Variants in LONRF2 observed in about 807,000 individuals in gnomAD.
The protein encoded by LONRF2 is LON peptidase N-terminal domain and RING finger protein 2.
In LONRF2, 35 loss-of-function variants were observed where a neutral mutation model predicts 66.6. The ratio of observed to expected loss-of-function variants is 0.53; its 90% CI spans 0.40 to 0.70. The LOEUF (loss-of-function observed/expected upper bound fraction) is 0.70, where lower values mean the gene tolerates loss of function less well. Among genes scored for constraint, LONRF2 ranks in the 30% least tolerant of loss-of-function variants. The pLI, the probability that LONRF2 is intolerant of heterozygous loss-of-function variation, is 0.00. For missense variants in LONRF2, 902 were observed against 1,002.1 expected (o/e 0.90, Z 1.35); for synonymous variants, 417 against 418.1 (o/e 1.00, Z 0.03).
At chr2:100,286,855 T>G in intron 11 of LONRF2, 59 bp downstream of exon 11, 1 of 1,548,074 alleles carries the variant, frequency 6.5e-7, no homozygotes, top group South Asian at 1.3e-5. Flanking sequence ...ACCAGAATGA[T>G]GGCTCAGCAC....
At chr2:100,288,734 T>A (rs1674896078) in intron 10 of LONRF2, among the ~76,000 whole-genome samples, 1 of 152,254 alleles carries the variant, frequency 6.6e-6, no homozygotes, top group African/African-American at 2.4e-5. Flanking sequence ...TATGTGTTCG[T>A]CCTGTGTCTG....
rs1674671712 is a variant in LONRF2 at position 100,279,646 on chromosome 2, GAT to G, written c.*4650_*4651del. ...CCATCCCAGGGTGAGCCAATTCTTAGATACAGCAAAGGGCTACCCTGGGAGCA... is the reference window on the plus strand; with the variant it reads ...CCATCCCAGGGTGAGCCAATTCTTAGACAGCAAAGGGCTACCCTGGGAGCA... On this transcript the variant is annotated 3_prime_UTR_variant, in exon 12 of 12. Coordinates refer to ENST00000393437, the MANE Select transcript of LONRF2 (RefSeq NM_198461.4). 6.6e-6 allele frequency: 1 copy of G among 152,138 alleles called. No homozygotes were observed. Among genetic ancestry groups the G allele is most frequent in the Non-Finnish European group, 1.5e-5 (1 of 68,032 alleles). 9.4% of individuals were successfully genotyped at this position (152,138 alleles called of 1,614,324 possible).
chr2:100,291,177 A>ATT (rs70943009), intron 9 of LONRF2, among the ~76,000 whole-genome samples: 72 of 150,494 alleles, frequency 4.8e-4, no homozygotes, highest in South Asian at 1.5e-3. Context: ...GCATTCAGCT[A>ATT]TTTTTTTTTT....
chr2:100,296,868 G>T (rs1043112453), intron 7 of LONRF2, among the ~76,000 whole-genome samples: 1 of 152,166 alleles, frequency 6.6e-6, no homozygotes, highest in African/African-American at 2.4e-5. Flanking sequence ...GATGATTCAG[G>T]TCCCTGGTAG....
chr2:100,290,700 A>G (rs1674942020), intron 9 of LONRF2, among the ~76,000 whole-genome samples: 1 of 152,156 alleles, frequency 6.6e-6, no homozygotes, highest in Non-Finnish European at 1.5e-5. Context: ...GAAGGACCCG[A>G]GAGATGGGAA....
chr2:100,318,656 T>A lies in LONRF2; in HGVS notation c.679+2759A>T, dbSNP rs191953902. Among the ~76,000 whole-genome samples the A allele has an allele frequency of 2.6e-4, 38 of 148,844 alleles. No homozygotes were observed. The East Asian group carries it at 6.0e-3, about 24-fold the overall frequency. ...AGCCCGGACAACATAGTGAAACACG[T>A]CTCTACTAAACACACACACAAAAAA... On this transcript the variant is annotated intron_variant, in intron 1 of 11. Coordinates refer to ENST00000393437, the MANE Select transcript of LONRF2 (RefSeq NM_198461.4).
intron 8 of LONRF2, 53 bp downstream of exon 8, chr2:100,295,379 T>C: frequency 1.3e-6 from 2 of 1,554,364 alleles, no homozygotes; most frequent in Non-Finnish European, 1.7e-6. Flanking sequence ...AAGCTGAAGT[T>C]GACAAAGTTC....
At chr2:100,307,056 G>A (rs1165228028) in intron 2 of LONRF2, among the ~76,000 whole-genome samples, 6 of 151,790 alleles carry the variant, frequency 4.0e-5, no homozygotes, top group Non-Finnish European at 8.8e-5. Context: ...GAGTAGCTGG[G>A]ACTACAGGCG....
At chr2:100,310,454 T>G (rs189547080) in intron 1 of LONRF2, among the ~76,000 whole-genome samples, 90 of 152,322 alleles carry the variant, frequency 5.9e-4, no homozygotes, top group African/African-American at 2.1e-3. Flanking sequence ...ACTACCCACT[T>G]GGTGCTTTCC....
intron 3 of LONRF2, 34 bp downstream of exon 3, chr2:100,302,887 C>T: frequency 6.5e-7 from 1 of 1,537,246 alleles, no homozygotes; most frequent in Non-Finnish European, 8.8e-7. Flanking sequence ...ATAAATAAGA[C>T]CTGATAGAGA....
intron 2 of LONRF2, among the ~76,000 whole-genome samples, chr2:100,306,471 G>A (rs1675293197): frequency 6.6e-6 from 1 of 152,056 alleles, no homozygotes; most frequent in African/African-American, 2.4e-5. Flanking sequence ...GAATTAACTG[G>A]CTTTTAAGTA....
chr2:100,305,211 C>CA (rs1675268121), intron 2 of LONRF2, among the ~76,000 whole-genome samples: 1 of 152,120 alleles, frequency 6.6e-6, no homozygotes, highest in Admixed American at 6.6e-5. Flanking sequence ...AACAAACAAA[C>CA]AAAAAACCCA....
rs889628976 is a variant in LONRF2 at position 100,276,406 on chromosome 2, C to T, written c.*7892G>A. 1.2e-4 allele frequency: 19 copies of T among 152,092 alleles called. No individual in the cohort carries two copies. Among genetic ancestry groups the T allele is most frequent in the African/African-American group, 4.3e-4 (18 of 41,400 alleles). 9.4% of individuals were successfully genotyped at this position (152,092 alleles called of 1,614,324 possible). Reference sequence around the variant, plus strand: ...GTCTAAATTTCCTGTGGTCATAGTACCCAACGCCCTAATATCCCATATTGA... The same window carrying T: ...GTCTAAATTTCCTGTGGTCATAGTATCCAACGCCCTAATATCCCATATTGA... On this transcript the variant is annotated 3_prime_UTR_variant, in exon 12 of 12. Transcript: ENST00000393437.
chr2:100,294,186 C>A, intron 9 of LONRF2, 43 bp downstream of exon 9: 2 of 1,590,168 alleles, frequency 1.3e-6, no homozygotes, highest in Non-Finnish European at 1.7e-6. Flanking sequence ...ACAAACGATG[C>A]CCTTCATTAG....
intron 3 of LONRF2, among the ~76,000 whole-genome samples, chr2:100,301,660 G>C (rs1387655791): frequency 1.3e-5 from 2 of 152,238 alleles, no homozygotes; most frequent in African/African-American, 4.8e-5. Context: ...ATCAGCCATA[G>C]AATGTCCAGG....
chr2:100,301,480 T>C (rs6734881), intron 3 of LONRF2, among the ~76,000 whole-genome samples: 9,158 of 152,156 alleles, frequency 0.06, 886 homozygotes, highest in African/African-American at 0.2. Flanking sequence ...TCAAGGTGAG[T>C]GCGCTAGAAT....
chr2:100,287,652 G>A (rs1365303035), intron 10 of LONRF2, among the ~76,000 whole-genome samples: 2 of 152,134 alleles, frequency 1.3e-5, no homozygotes, highest in East Asian at 1.9e-4. Flanking sequence ...GCTTGTGGTC[G>A]GCCACAGCAC....
At chr2:100,292,747 C>G (rs1326369717) in intron 9 of LONRF2, among the ~76,000 whole-genome samples, 1 of 152,196 alleles carries the variant, frequency 6.6e-6, no homozygotes, top group Non-Finnish European at 1.5e-5. Context: ...TCTTTCCCCA[C>G]TCCTAATTAT....
Position 100,321,691 on chromosome 2 carries a change from G to C in LONRF2, c.403C>G (p.Arg135Gly). 2.5e-6 allele frequency: 3 copies of C among 1,219,276 alleles called. No homozygotes were observed. The highest frequency in any genetic ancestry group is 3.1e-6 in the Non-Finnish European group (3 of 983,264). The allele number at this position is 1,219,276 out of a possible 1,614,324, so 75.5% of individuals were successfully genotyped here. ...CAGCCGAGCAGGTCGCGGGGCGCGC[G>C]GGGCTCCGGGGCCGGCCCTCCCTCG... is the stretch of plus-strand genomic sequence containing the variant. ...PGEGGPAPEP[R>G]APRDLLGCPR... Residue 135 changes from arginine to glycine, a missense_variant, in exon 1 of 12, where the codon CGC becomes GGC. Physicochemically the swap from Arg to Gly is moderately radical, Grantham distance 125. Around this residue, in one of 2 missense-constraint regions of LONRF2, gnomAD observed 585 missense variants for 569.9 expected, o/e 1.03. Coordinates refer to ENST00000393437, the MANE Select transcript of LONRF2 (RefSeq NM_198461.4).
Sources: allele counts gnomAD v4.1 joint callset (sites outside exome capture counted in the v4.1 genomes callset), GRCh38; gene constraint gnomAD v4.1.1; regional missense constraint gnomAD v4.1.1; transcripts MANE v1.5; gene names NCBI Gene and HGNC (gene_info 2026-07-23, HGNC 2026-07-21).